HIVEP1: variants seen among roughly 807,000 people sequenced by gnomAD.
HIVEP1 encodes HIVEP zinc finger 1, also known as zinc finger protein 40.
A neutral mutation model predicts 180.0 loss-of-function variants in HIVEP1; 36 were observed. That is an observed-to-expected ratio of 0.20 (90% CI 0.15 to 0.26). HIVEP1 has a LOEUF of 0.26. HIVEP1 is among the 10% of genes least tolerant of loss of function. The probability of loss-of-function intolerance (pLI) is 1.00; values close to 1 mark genes in which losing one functional copy is unlikely to be tolerated. For synonymous variants in HIVEP1, 1,239 were observed against 1,239.0 expected, an observed-to-expected ratio of 1.00 and a Z score of 0.00; for missense variants, 3,143 against 3,268.7, an observed-to-expected ratio of 0.96 and a Z score of 0.94.
chr6:12,145,253 T>G (rs1759299668), intron 7 of HIVEP1, among the ~76,000 whole-genome samples: 1 of 151,964 alleles, frequency 6.6e-6, no homozygotes, highest in Non-Finnish European at 1.5e-5. Flanking sequence ...TCATTCTGAG[T>G]AAACTGTCAC....
intron 2 of HIVEP1, among the ~76,000 whole-genome samples, chr6:12,020,828 G>A (rs575552050): frequency 5.3e-5 from 8 of 150,894 alleles, no homozygotes; most frequent in South Asian, 2.1e-4. Flanking sequence ...ATTTGGCTCC[G>A]AACACTCTGC....
chr6:12,203,831 C>T, the HIVEP1 span, among the ~76,000 whole-genome samples: 1 of 152,130 alleles, frequency 6.6e-6, no homozygotes, highest in Admixed American at 6.5e-5. Flanking sequence ...AATCCCAGCA[C>T]TTTGGGGGGC....
intron 2 of HIVEP1, among the ~76,000 whole-genome samples, chr6:12,053,035 T>C (rs1004369993): frequency 1.3e-5 from 2 of 152,160 alleles, no homozygotes; most frequent in African/African-American, 4.8e-5. Context: ...GTTCCTGTAA[T>C]TGGAGTATTT....
chr6:12,021,412 C>G (rs1768199143), intron 2 of HIVEP1, among the ~76,000 whole-genome samples: 1 of 152,156 alleles, frequency 6.6e-6, no homozygotes, highest in Non-Finnish European at 1.5e-5. Context: ...TTTTCTTACT[C>G]TGTATGGGAG....
intron 2 of HIVEP1, among the ~76,000 whole-genome samples, chr6:12,065,165 G>A (rs546051260): frequency 4.2e-4 from 64 of 152,300 alleles, no homozygotes; most frequent in Non-Finnish European, 7.9e-4. Flanking sequence ...TACTTTCCTG[G>A]AATCATTAGT....
At chr6:12,033,660 A>G (rs981019406) in intron 2 of HIVEP1, among the ~76,000 whole-genome samples, 4 of 152,116 alleles carry the variant, frequency 2.6e-5, no homozygotes, top group African/African-American at 9.7e-5. Flanking sequence ...ATAATACTAT[A>G]TTTTCATAGA....
chr6:12,043,829 G>A (rs1400069030), intron 2 of HIVEP1, among the ~76,000 whole-genome samples: 1 of 152,184 alleles, frequency 6.6e-6, no homozygotes, highest in Non-Finnish European at 1.5e-5. Context: ...TATGTCTAGA[G>A]ACTGTCTGGG....
chr6:12,149,073 A>G (rs904332657), intron 7 of HIVEP1, among the ~76,000 whole-genome samples: 3 of 152,174 alleles, frequency 2.0e-5, no homozygotes, highest in African/African-American at 7.2e-5. Flanking sequence ...TGGTAGGTAC[A>G]CTTCCTGTTT....
intron 3 of HIVEP1, among the ~76,000 whole-genome samples, chr6:12,092,022 C>A (rs1049495268): frequency 1.3e-5 from 2 of 152,096 alleles, no homozygotes; most frequent in African/African-American, 4.8e-5. Flanking sequence ...TTTTATCATA[C>A]AATGTTTGAC....
chr6:12,104,233 G>T (rs1774271666), intron 3 of HIVEP1, among the ~76,000 whole-genome samples: 2 of 151,814 alleles, frequency 1.3e-5, no homozygotes, highest in African/African-American at 2.4e-5. Context: ...ACAATTTTTA[G>T]ACTTTATCTC....
intron 2 of HIVEP1, among the ~76,000 whole-genome samples, chr6:12,043,760 C>T (rs979676277): frequency 9.2e-5 from 14 of 152,168 alleles, no homozygotes; most frequent in Non-Finnish European, 1.6e-4. Flanking sequence ...CAGAAGTTCT[C>T]GTTGAACCGA....
intron 2 of HIVEP1, among the ~76,000 whole-genome samples, chr6:12,031,874 T>C (rs1306015794): frequency 6.6e-6 from 1 of 152,182 alleles, no homozygotes; most frequent in African/African-American, 2.4e-5. Context: ...TGTACCATTC[T>C]GTCCTCCTGT....
chr6:12,168,232 C>A (rs28631138), downstream of HIVEP1, among the ~76,000 whole-genome samples: 1 of 79,844 alleles, frequency 1.3e-5, no homozygotes, highest in African/African-American at 5.0e-5. Context: ...ATATTATATA[C>A]ATATATATTA....
chr6:12,028,970 A>G (rs1224738917), intron 2 of HIVEP1, among the ~76,000 whole-genome samples: 1 of 152,188 alleles, frequency 6.6e-6, no homozygotes, highest in Non-Finnish European at 1.5e-5. Context: ...TATAGTTTTT[A>G]CATGTAGCTT....
intron 1 of HIVEP1, among the ~76,000 whole-genome samples, chr6:12,013,272 G>C (rs1393867042): frequency 6.6e-6 from 1 of 152,222 alleles, no homozygotes; most frequent in Non-Finnish European, 1.5e-5. Flanking sequence ...GGTTTTCCCA[G>C]GCTCCGCCCT....
the HIVEP1 span, among the ~76,000 whole-genome samples, chr6:12,200,953 C>G: frequency 6.6e-6 from 1 of 152,172 alleles, no homozygotes; most frequent in East Asian, 1.9e-4. Context: ...TAAGTCATGC[C>G]TAGCCCAGAC....
chr6:12,135,118 G>A (rs1377760523), intron 6 of HIVEP1, among the ~76,000 whole-genome samples: 2 of 152,200 alleles, frequency 1.3e-5, no homozygotes, highest in African/African-American at 4.8e-5. Context: ...TAGCATCTGA[G>A]GTTCCTGAAA....
chr6:12,169,939 C>T (rs1308481059), downstream of HIVEP1, among the ~76,000 whole-genome samples: 6 of 151,826 alleles, frequency 4.0e-5, no homozygotes, highest in South Asian at 2.1e-4. Flanking sequence ...GCTAACACAG[C>T]GAAACCCTGT....
At chr6:12,079,507 CAG>C (rs1772625814) in intron 2 of HIVEP1, among the ~76,000 whole-genome samples, 1 of 152,176 alleles carries the variant, frequency 6.6e-6, no homozygotes, top group South Asian at 2.1e-4. Context: ...ATAAGGCAGA[CAG>C]ATGCTGCTGC....
Sources: gnomAD v4.1 joint callset for allele counts (sites outside exome capture counted in the v4.1 genomes callset) on GRCh38, gnomAD v4.1.1 for gene constraint, MANE v1.5 for transcripts, NCBI Gene and HGNC (gene_info 2026-07-23, HGNC 2026-07-21) for gene names.